The following UBR3 variants were observed in gnomAD, a reference collection of about 807,000 sequenced individuals.
UBR3 encodes the protein E3 ubiquitin-protein ligase UBR3.
Under a neutral mutation model 243.2 loss-of-function variants are expected in UBR3, and 85 were observed. The ratio of observed to expected loss-of-function variants is 0.35; its 90% confidence interval spans 0.29 to 0.42. UBR3 has a LOEUF of 0.42. Ranked by LOEUF, UBR3 falls within the 10% of genes least tolerant of loss-of-function variation. The pLI is 1.00. For synonymous variants in UBR3, 748 were observed against 799.8 expected, an observed-to-expected ratio of 0.94 and a Z score of 1.09; for missense variants, 1,686 against 2,300.8, an observed-to-expected ratio of 0.73 and a Z score of 5.47.
chr2:169,911,488 A>C (rs535873765), intron 10 of UBR3, among the ~76,000 whole-genome samples: 76 of 152,256 alleles, frequency 5.0e-4, no homozygotes, highest in Non-Finnish European at 7.8e-4. Flanking sequence ...AAATTTAAGT[A>C]ATTTGCTCAA....
chr2:170,016,926 T>G, intron 30 of UBR3: 1 of 707,460 alleles, frequency 1.4e-6, no homozygotes. Flanking sequence ...AAATGTAAGT[T>G]AATATTTCTT....
chr2:169,981,382 T>C (rs969734238), intron 24 of UBR3, among the ~76,000 whole-genome samples: 3 of 152,214 alleles, frequency 2.0e-5, no homozygotes, highest in Non-Finnish European at 4.4e-5. Context: ...GTGATGAGAA[T>C]GATGCTTCTG....
At chr2:169,957,994 C>T (rs2087388393) in intron 23 of UBR3, among the ~76,000 whole-genome samples, 1 of 152,156 alleles carries the variant, frequency 6.6e-6, no homozygotes, top group Admixed American at 6.5e-5. Context: ...GTAAATATGA[C>T]TATTCCTATC....
intron 1 of UBR3, among the ~76,000 whole-genome samples, chr2:169,844,007 C>CTTTTTTTT (rs11421686): frequency 7.5e-6 from 1 of 134,086 alleles, no homozygotes; most frequent in Non-Finnish European, 1.6e-5. Flanking sequence ...TTTCTCTTTA[C>CTTTTTTTT]TTTTTTTTTT....
Position 170,061,433 on chromosome 2 carries a change from C to T in UBR3, c.5009C>T (p.Pro1670Leu). 1 of 1,613,398 alleles carries T rather than the reference C, an allele frequency of 6.2e-7. No individual in the cohort carries two copies. Among genetic ancestry groups the T allele is most frequent in the Non-Finnish European group, 8.5e-7 (1 of 1,179,858 alleles). Residue 1670 changes from proline (P) to leucine (L), a missense_variant, in exon 35 of 39, where the codon CCT (proline) becomes CTT (leucine). Around this residue, in one of 8 missense-constraint regions of UBR3, gnomAD observed 371 missense variants for 422.5 expected, o/e 0.88. Transcript: ENST00000272793. Reference sequence around the variant, plus strand: ...CACCACCTTTTTGGGGAAGATTTACCTAGCTGCCAGGTAGATAATTTGGGA... The same window carrying T: ...CACCACCTTTTTGGGGAAGATTTACTTAGCTGCCAGGTAGATAATTTGGGA... ...LQHHLFGEDL[P>L]SCQEEEEFSV...
At chr2:170,026,294 A>G (rs2105419935) in intron 30 of UBR3, among the ~76,000 whole-genome samples, 1 of 152,118 alleles carries the variant, frequency 6.6e-6, no homozygotes, top group East Asian at 1.9e-4. Flanking sequence ...TTTCCAATGT[A>G]TAATAATCTA....
At chr2:169,996,705 T>G (rs2105396220) in intron 26 of UBR3, among the ~76,000 whole-genome samples, 1 of 147,460 alleles carries the variant, frequency 6.8e-6, no homozygotes. Flanking sequence ...TTTTTTTTTT[T>G]TTTTTTTAGA....
rs1375274566 is a variant in UBR3, at chr2:169,836,039, CTCTCTA to C, written c.545+7989_545+7994del. 1.1e-3 allele frequency among the ~76,000 whole-genome samples: 11 copies of C among 9,952 alleles called. 1 individual carries two copies. Among genetic ancestry groups the C allele is most frequent in the African/African-American group, 3.3e-3 (9 of 2,726 alleles). 6.5% of individuals were successfully genotyped at this position (9,952 alleles called of 152,430 possible). The stretch of plus-strand genomic sequence containing the variant: ...TCTCTCTCTCTCTCTCTCTCTCTCT[CTCTCTA>C]TATATATATATATATATATATATTT... On this transcript the variant is annotated intron_variant, in intron 1 of 38. Transcript: ENST00000272793.
rs150809101 is a variant in UBR3 at position 170,002,936 on chromosome 2, C to T, written c.4029+1522C>T. On this transcript the variant is annotated intron_variant, in intron 27 of 38. Transcript: ENST00000272793. ...TGGCTCGATCATAGCTCACTGAAGCCTTACGCTCCTGAGTTCAAGCAGCAC... is the reference window on the plus strand; with the variant it reads ...TGGCTCGATCATAGCTCACTGAAGCTTTACGCTCCTGAGTTCAAGCAGCAC... 4.6e-3 allele frequency among the ~76,000 whole-genome samples: 695 copies of T among 152,246 alleles called. 6 individuals are homozygous for T. Among genetic ancestry groups the T allele is most frequent in the African/African-American group, 0.016 (654 of 41,524 alleles).
At chr2:169,828,186 T>G (rs1573986131) in intron 1 of UBR3, 134 bp downstream of exon 1, 9 of 1,048,722 alleles carry the variant, frequency 8.6e-6, no homozygotes, top group Admixed American at 5.9e-5. Context: ...CACAGGGGGA[T>G]GGAGGTGACT....
chr2:170,036,752 T>G (rs1446612341), intron 31 of UBR3, among the ~76,000 whole-genome samples: 1 of 152,148 alleles, frequency 6.6e-6, no homozygotes, highest in Non-Finnish European at 1.5e-5. Context: ...AAATCTTATT[T>G]TGTCATAGTT....
At chr2:170,081,632 C>T (rs1178913767) in intron 38 of UBR3, 94 bp from the exon 39 acceptor site, 20 of 904,310 alleles carry the variant, frequency 2.2e-5, no homozygotes, top group Non-Finnish European at 3.0e-5. Flanking sequence ...GGAGGTTGCA[C>T]TGCGAGAGAC....
intron 25 of UBR3, among the ~76,000 whole-genome samples, chr2:169,990,574 T>G (rs1304010645): frequency 6.6e-6 from 1 of 151,952 alleles, no homozygotes; most frequent in Non-Finnish European, 1.5e-5. Flanking sequence ...AGTGTAGGCA[T>G]TGAGATAGAA....
chr2:170,001,939 A>AAAAAG lies in UBR3; in HGVS notation c.4029+528_4029+529insAGAAA, dbSNP rs1553531165. Reference sequence around the variant, plus strand: ...AAAAAAAAAAAAAAAAAAAAAAAAAAAAAGAAAGAAAAATTTTTTTCACTT... The same window carrying AAAAAG: ...AAAAAAAAAAAAAAAAAAAAAAAAAAAAAAGAAAGAAAGAAAAATTTTTTTCACTT... On this transcript the variant is annotated intron_variant, in intron 27 of 38. Transcript: ENST00000272793. 6.1e-4 allele frequency among the ~76,000 whole-genome samples: 71 copies of AAAAAG among 116,172 alleles called. 2 individuals are homozygous for AAAAAG. Among genetic ancestry groups the AAAAAG allele is most frequent in the East Asian group, 1.9e-3 (7 of 3,728 alleles). 76.2% of individuals were successfully genotyped at this position (116,172 alleles called of 152,430 possible).
In UBR3 at chr2:169,906,031, G is replaced by A. The variant is rs1010855723; in HGVS notation, c.1646G>A (p.Gly549Asp). 6.5e-7 allele frequency: 1 copy of A among 1,549,736 alleles called. No homozygotes were observed. Among genetic ancestry groups the A allele is most frequent in the African/African-American group, 1.4e-5 (1 of 72,908 alleles). Residue 549 changes from glycine to aspartate, a missense_variant and splice_region_variant, in exon 10 of 39, where the codon GGT becomes GAT. By Grantham distance (94) the Gly-to-Asp change is moderately conservative. Around this residue, in one of 8 missense-constraint regions of UBR3, gnomAD observed 346 missense variants for 585.8 expected, o/e 0.59. Transcript: ENST00000272793. ...TWMNFVSFFQ[G>D]MNLNKRELNE... ...TTATATCTGCTTTAATTTTTGCCAG[G>A]TATGAACTTAAACAAGCGAGAACTA...
intron 5 of UBR3, among the ~76,000 whole-genome samples, chr2:169,882,018 T>G (rs1245015881): frequency 7.9e-6 from 1 of 126,080 alleles, no homozygotes; most frequent in East Asian, 2.2e-4. Flanking sequence ...ATAATATGTA[T>G]TATATATTAT....
intron 18 of UBR3, 60 bp downstream of exon 18, chr2:169,928,928 C>A: frequency 7.9e-7 from 1 of 1,263,024 alleles, no homozygotes. Flanking sequence ...GTGAATTCTT[C>A]TGTGTATTAA....
At chr2:169,880,746 T>G (rs1270694488) in intron 5 of UBR3, among the ~76,000 whole-genome samples, 1 of 152,152 alleles carries the variant, frequency 6.6e-6, no homozygotes, top group African/African-American at 2.4e-5. Flanking sequence ...CCTTTTTAGG[T>G]CCTCACTTCT....
At chr2:169,832,184 A>G (rs1365527593) in intron 1 of UBR3, among the ~76,000 whole-genome samples, 2 of 152,254 alleles carry the variant, frequency 1.3e-5, no homozygotes, top group Non-Finnish European at 2.9e-5. Context: ...GCAGATATAC[A>G]AACCAAAGGA....
Sources: allele counts gnomAD v4.1 joint callset (sites outside exome capture counted in the v4.1 genomes callset), GRCh38; gene constraint gnomAD v4.1.1; regional missense constraint gnomAD v4.1.1; transcripts MANE v1.5; gene names NCBI Gene and HGNC (gene_info 2026-07-23, HGNC 2026-07-21).